The following NTN4 variants were observed in gnomAD, a reference collection of about 807,000 sequenced individuals.
NTN4 encodes the protein netrin 4, also known as netrin-4.
A neutral mutation model predicts 73.6 loss-of-function variants in NTN4; 32 were observed. The ratio of observed to expected loss-of-function variants is 0.44; its 90% CI spans 0.33 to 0.58. NTN4 has a LOEUF of 0.58. Among genes scored for constraint, NTN4 ranks in the 20% least tolerant of loss-of-function variants. The pLI is 0.04. For missense variants in NTN4, 654 were observed against 798.3 expected (o/e 0.82, Z 2.18); for synonymous variants, 258 against 287.5 (o/e 0.90, Z 1.04).
chr12:95,762,621 A>G (rs1203278171), intron 2 of NTN4, among the ~76,000 whole-genome samples: 1 of 152,252 alleles, frequency 6.6e-6, no homozygotes, highest in East Asian at 1.9e-4. Context: ...TGTGTCCTAC[A>G]TGTACTGAAG....
chr12:95,679,322 G>A (rs2078297784), intron 7 of NTN4, among the ~76,000 whole-genome samples: 1 of 152,168 alleles, frequency 6.6e-6, no homozygotes, highest in Non-Finnish European at 1.5e-5. Context: ...CATGAAACAT[G>A]ATAGACAAGA....
intron 5 of NTN4, among the ~76,000 whole-genome samples, chr12:95,684,925 A>G (rs1261740689): frequency 4.6e-5 from 7 of 152,142 alleles, no homozygotes; most frequent in African/African-American, 1.4e-4. Context: ...GCTGGAATGC[A>G]GTGGTGCTAT....
chr12:95,789,963 C>T lies in NTN4; in HGVS notation c.55+292G>A. 1 of 360,416 alleles carries T rather than the reference C, an allele frequency of 2.8e-6. No homozygotes were observed. Among genetic ancestry groups the T allele is most frequent in the Non-Finnish European group, 5.0e-6 (1 of 200,828 alleles). 22.3% of individuals were successfully genotyped at this position (360,416 alleles called of 1,614,324 possible). On this transcript the variant is annotated intron_variant, in intron 1 of 9. Transcript: ENST00000343702. The surrounding 1 kb of genome is among the most constrained non-coding windows in gnomAD (Gnocchi z 4.0). ...TTTGTTCCCTCACCAAGTGGAAAAGCAGTTTTTTAACAAGCCAAACCAAGA... is the reference window on the plus strand; with the variant it reads ...TTTGTTCCCTCACCAAGTGGAAAAGTAGTTTTTTAACAAGCCAAACCAAGA...
intron 7 of NTN4, chr12:95,673,155 A>G (rs1336835184): frequency 8.4e-5 from 57 of 677,496 alleles, no homozygotes; most frequent in Non-Finnish European, 1.4e-4. Context: ...CGCCACACTG[A>G]CCACATCTGT....
intron 2 of NTN4, among the ~76,000 whole-genome samples, chr12:95,756,257 A>G (rs2078946517): frequency 6.6e-6 from 1 of 152,222 alleles, no homozygotes; most frequent in East Asian, 1.9e-4. Flanking sequence ...CAAATAATGG[A>G]TAGGATGAAC....
chr12:95,687,383 AATTT>A (rs1033186836), intron 5 of NTN4, among the ~76,000 whole-genome samples: 8 of 147,812 alleles, frequency 5.4e-5, no homozygotes, highest in Non-Finnish European at 6.0e-5. Context: ...GGTGAAAAAA[AATTT>A]TTTTTTTTGT....
intron 5 of NTN4, among the ~76,000 whole-genome samples, chr12:95,685,027 G>A (rs1241682859): frequency 1.3e-5 from 2 of 151,950 alleles, no homozygotes; most frequent in Non-Finnish European, 2.9e-5. Flanking sequence ...ACGCCACTAC[G>A]CCCAGCTAAT....
chr12:95,745,040 C>T (rs754268614), intron 2 of NTN4, among the ~76,000 whole-genome samples: 9 of 152,112 alleles, frequency 5.9e-5, no homozygotes, highest in African/African-American at 1.2e-4. Flanking sequence ...TTCCTCTGTA[C>T]GTAATGTGCC....
In NTN4 at chr12:95,683,653, G is replaced by T; in HGVS notation, c.1239C>A (p.Cys413Ter). The T allele has an allele frequency of 6.2e-7, 1 of 1,613,840 alleles. No homozygotes were observed. Among genetic ancestry groups the T allele is most frequent in the Non-Finnish European group, 8.5e-7 (1 of 1,179,872 alleles). The change falls in exon 6 of 10, where the codon TGC becomes TGA. Residue 413 changes from cysteine (C) to a stop codon, truncating the protein, a stop_gained. Transcript: ENST00000343702. LOFTEE classifies it high-confidence loss of function. ...AVLPANSVTF[C>*]DPSNGDCPCK... is the part of the protein sequence containing the mutation. ...AAGGGCAGTCACCATTGCTGGGGTC[G>T]CAGAAGGTCACTGAGTTGGCAGGAA...
intron 5 of NTN4, among the ~76,000 whole-genome samples, chr12:95,687,173 C>CATTATT (rs2078367175): frequency 2.9e-5 from 1 of 34,156 alleles, no homozygotes; most frequent in East Asian, 2.4e-3. Context: ...TATCACAGTG[C>CATTATT]ATCATTATTA....
At chr12:95,707,978 A>G (rs1451002482) in intron 5 of NTN4, among the ~76,000 whole-genome samples, 1 of 152,158 alleles carries the variant, frequency 6.6e-6, no homozygotes, top group Non-Finnish European at 1.5e-5. Flanking sequence ...ACACGTATAT[A>G]TATCTATTCA....
At chr12:95,714,872 A>G (rs2078594081) in intron 3 of NTN4, among the ~76,000 whole-genome samples, 1 of 152,220 alleles carries the variant, frequency 6.6e-6, no homozygotes, top group South Asian at 2.1e-4. Flanking sequence ...AAAATGAATT[A>G]CTAAAAATGA....
chr12:95,707,778 TATACTGTACAGC>T (rs2078531182), intron 5 of NTN4, among the ~76,000 whole-genome samples: 1 of 152,200 alleles, frequency 6.6e-6, no homozygotes, highest in Non-Finnish European at 1.5e-5. Context: ...ACACATTAGG[TATACTGTACAGC>T]ATACTGTTCA....
chr12:95,735,905 T>TTTTATTTATTTA (rs201591613), intron 3 of NTN4, among the ~76,000 whole-genome samples: 237 of 101,642 alleles, frequency 2.3e-3, no homozygotes, highest in Middle Eastern at 5.3e-3. Context: ...TTTTTTAAAT[T>TTTTATTTATTTA]TTTATTTATT....
chr12:95,684,402 G>A (rs372872271), intron 5 of NTN4, among the ~76,000 whole-genome samples: 30 of 151,832 alleles, frequency 2.0e-4, no homozygotes, highest in African/African-American at 6.3e-4. Flanking sequence ...GAGCTCAAGC[G>A]ATCCTCCTGC....
Position 95,787,403 on chromosome 12 carries a change from A to G in NTN4, c.121T>C (p.Leu41=). The change falls in exon 2 of 10, where the codon TTG becomes CTG. Residue 41 remains leucine (L), a synonymous_variant. Coordinates refer to ENST00000343702, the MANE Select transcript of NTN4 (RefSeq NM_021229.4). ...GCCCAGAGTTTTCGCCCCAAAGCCA[A>G]ATTTCCCATCCGAGGGTTGCAGGCT... ...EKACNPRMGN[L]ALGRKLWADT... 1 of 1,614,120 alleles carries G rather than the reference A, an allele frequency of 6.2e-7. No individual in the cohort carries two copies. The highest frequency in any genetic ancestry group is 8.5e-7 in the Non-Finnish European group (1 of 1,180,022).
intron 3 of NTN4, among the ~76,000 whole-genome samples, chr12:95,726,956 C>A (rs528517031): frequency 4.1e-5 from 6 of 146,884 alleles, no homozygotes; most frequent in Non-Finnish European, 7.6e-5. Context: ...GAAGACAGAG[C>A]AAGACTCTGT....
In NTN4 at chr12:95,781,833, C is replaced by T. The variant is rs935587128; in HGVS notation, c.585+5106G>A. Among the ~76,000 whole-genome samples the T allele has an allele frequency of 5.3e-5, 8 of 152,100 alleles. No individual in the cohort carries two copies. The highest frequency in any genetic ancestry group is 3.9e-4 in the East Asian group (2 of 5,190). On this transcript the variant is annotated intron_variant, in intron 2 of 9. Coordinates refer to ENST00000343702, the MANE Select transcript of NTN4 (RefSeq NM_021229.4). This position sits in a 1 kb window ranked among gnomAD's most constrained non-coding sequence, Gnocchi z 4.1. Reference sequence around the variant, plus strand: ...TCTCTCCTTAGTATTTACCACACTCCGACATAACACAGATTTTACTTATTT... The same window carrying T: ...TCTCTCCTTAGTATTTACCACACTCTGACATAACACAGATTTTACTTATTT...
chr12:95,776,629 C>T (rs560147951), intron 2 of NTN4, among the ~76,000 whole-genome samples: 124 of 152,156 alleles, frequency 8.1e-4, no homozygotes, highest in Middle Eastern at 6.8e-3. Context: ...TTAAAAGAAA[C>T]GAACAAAGCC....
Sources: gnomAD v4.1 joint callset for allele counts (sites outside exome capture counted in the v4.1 genomes callset) on GRCh38, gnomAD v4.1.1 for gene constraint, Gnocchi (gnomAD v3.1) non-coding constraint, MANE v1.5 for transcripts, NCBI Gene and HGNC (gene_info 2026-07-23, HGNC 2026-07-21) for gene names.